Variants in WIPF3 observed in about 807,000 individuals in gnomAD.
The protein encoded by WIPF3 is WAS/WASL-interacting protein family member 3.
Under a neutral mutation model 38.9 loss-of-function variants are expected in WIPF3, and 33 were observed. That is an observed-to-expected ratio of 0.85 (90% confidence interval 0.64 to 1.14). The LOEUF (loss-of-function observed/expected upper bound fraction) is 1.14. Among genes scored for constraint, WIPF3 ranks in the 50% most tolerant of loss-of-function variants. The pLI is 0.00. For missense variants in WIPF3, 711 were observed against 652.5 expected, an observed-to-expected ratio of 1.09 and a Z score of -0.98; for synonymous variants, 324 against 269.3, an observed-to-expected ratio of 1.20 and a Z score of -1.99.
At chr7:29,903,817 TA>T (rs2128080584) in intron 7 of WIPF3, among the ~76,000 whole-genome samples, 1 of 152,326 alleles carries the variant, frequency 6.6e-6, no homozygotes, top group Admixed American at 6.5e-5. Flanking sequence ...TTTTTTCCAT[TA>T]TCTCCTTTAT....
At chr7:29,848,554 T>C (rs954428412) in intron 2 of WIPF3, among the ~76,000 whole-genome samples, 2 of 152,180 alleles carry the variant, frequency 1.3e-5, no homozygotes, top group African/African-American at 4.8e-5. Context: ...GGTTGGTCTT[T>C]CTCTACCTGA....
chr7:29,836,707 G>A (rs1784807918), intron 2 of WIPF3, among the ~76,000 whole-genome samples: 1 of 152,228 alleles, frequency 6.6e-6, no homozygotes, highest in African/African-American at 2.4e-5. Flanking sequence ...ACTTACATCT[G>A]GCGGGGCACA....
intron 1 of WIPF3, among the ~76,000 whole-genome samples, chr7:29,818,171 G>A (rs986080560): frequency 1.3e-5 from 2 of 152,040 alleles, no homozygotes; most frequent in Non-Finnish European, 2.9e-5. Context: ...TAATTTTCCG[G>A]CCAGGCACAG....
At chr7:29,865,192 A>G (rs1249254800) in intron 2 of WIPF3, among the ~76,000 whole-genome samples, 1 of 152,126 alleles carries the variant, frequency 6.6e-6, no homozygotes, top group African/African-American at 2.4e-5. Flanking sequence ...TGGACCCAGA[A>G]TCCCAACCGA....
chr7:29,827,434 A>T (rs538422809), intron 1 of WIPF3, among the ~76,000 whole-genome samples: 1 of 152,316 alleles, frequency 6.6e-6, no homozygotes, highest in South Asian at 2.1e-4. Context: ...TTATTATTTT[A>T]CTTATAGCTT....
chr7:29,836,186 CAA>C, intron 2 of WIPF3, among the ~76,000 whole-genome samples: 1 of 152,268 alleles, frequency 6.6e-6, no homozygotes, highest in Non-Finnish European at 1.5e-5. Context: ...GAATTTGACC[CAA>C]AGTCAAATTC....
chr7:29,820,900 C>T (rs1784527884), intron 1 of WIPF3, among the ~76,000 whole-genome samples: 1 of 152,178 alleles, frequency 6.6e-6, no homozygotes, highest in African/African-American at 2.4e-5. Flanking sequence ...TTCCTTTTTA[C>T]CTGATAACTT....
intron 4 of WIPF3, among the ~76,000 whole-genome samples, chr7:29,881,388 T>C (rs545037118): frequency 5.9e-5 from 9 of 152,344 alleles, no homozygotes; most frequent in African/African-American, 2.2e-4. Flanking sequence ...CTGAATTGCA[T>C]GTGTGAATGG....
At chr7:29,888,891 C>T (rs174978) in intron 6 of WIPF3, among the ~76,000 whole-genome samples, 73,550 of 151,936 alleles carry the variant, frequency 0.48, 18,695 homozygotes, top group East Asian at 0.78. Context: ...CCCACCTCTC[C>T]CTCCCCTCAA....
Position 29,884,011 on chromosome 7 carries a change from G to GCCCCCCCCCCCCCCCCCCCCCCCCCCCCC in WIPF3, c.521_522insCCCCCCCCCCCCCCCCCCCCCCCCCCCCC (p.Thr178ProfsTer40). The GCCCCCCCCCCCCCCCCCCCCCCCCCCCCC allele has an allele frequency of 7.0e-7, 1 of 1,430,664 alleles. No homozygotes were observed. Among genetic ancestry groups the GCCCCCCCCCCCCCCCCCCCCCCCCCCCCC allele is most frequent in the Non-Finnish European group, 9.2e-7 (1 of 1,084,356 alleles). The allele number at this position is 1,430,664 out of a possible 1,614,324, so 88.6% of individuals were successfully genotyped here. A position where few individuals can be genotyped will look rare whatever the true frequency, so the allele number is the denominator to read the frequency against. ...AGCCCCGCCTCGCCCCAACGTGCCT[G>GCCCCCCCCCCCCCCCCCCCCCCCCCCCCC]CCCCGCCCCCTCCCACCCCACCCCC... On this transcript the variant is annotated frameshift_variant, in exon 5 of 9. Coordinates refer to ENST00000242140, the MANE Select transcript of WIPF3 (RefSeq NM_001080529.3). LOFTEE classifies it high-confidence loss of function.
chr7:29,888,050 C>T lies in WIPF3; in HGVS notation c.1100-18C>T, dbSNP rs370629498. On this transcript the variant is annotated intron_variant, in intron 5 of 8. Coordinates refer to ENST00000242140, the MANE Select transcript of WIPF3 (RefSeq NM_001080529.3). ...TTCCCATCCGTGTTTCTGAGTACAC[C>T]ATCATCTTCTCTGTAAGGGGCCGGT... 1.8e-5 allele frequency: 29 copies of T among 1,613,588 alleles called. No individual in the cohort carries two copies. The African/African-American group carries it at 3.3e-4, about 19-fold the overall frequency.
chr7:29,887,518 C>A (rs1414786364), intron 5 of WIPF3, among the ~76,000 whole-genome samples: 2 of 152,178 alleles, frequency 1.3e-5, no homozygotes, highest in Non-Finnish European at 2.9e-5. Context: ...CCCTGGAGGG[C>A]ACGTAAGATT....
intron 1 of WIPF3, among the ~76,000 whole-genome samples, chr7:29,822,123 G>GTTTTTTTTTTTTTTT: frequency 3.2e-5 from 2 of 62,836 alleles, no homozygotes; most frequent in Non-Finnish European, 2.9e-5. Flanking sequence ...TTTTTTCTTA[G>GTTTTTTTTTTTTTTT]TTTTTTTTTT....
At chr7:29,875,708 G>A in intron 2 of WIPF3, 122 bp from the exon 3 acceptor site, 1 of 1,332,534 alleles carries the variant, frequency 7.5e-7, no homozygotes, top group Non-Finnish European at 1.0e-6. Flanking sequence ...GGTAATCTGA[G>A]ATCAGCCTTG....
At chr7:29,808,369 G>A (rs1784319598) in intron 1 of WIPF3, among the ~76,000 whole-genome samples, 2 of 152,216 alleles carry the variant, frequency 1.3e-5, no homozygotes, top group Admixed American at 1.3e-4. Flanking sequence ...ATCACCTCCT[G>A]TGATTCGCAG....
At chr7:29,869,090 C>T (rs368815762) in intron 2 of WIPF3, among the ~76,000 whole-genome samples, 38 of 151,632 alleles carry the variant, frequency 2.5e-4, no homozygotes, top group Middle Eastern at 6.8e-3. Flanking sequence ...AGTGCAATGG[C>T]GCAATTTTGG....
chr7:29,903,932 T>C (rs1279242254), intron 7 of WIPF3, among the ~76,000 whole-genome samples: 1 of 152,218 alleles, frequency 6.6e-6, no homozygotes, highest in Non-Finnish European at 1.5e-5. Flanking sequence ...ATGGGAGGCC[T>C]GATTTGTCAG....
intron 2 of WIPF3, among the ~76,000 whole-genome samples, chr7:29,866,245 G>T (rs1161264461): frequency 1.3e-5 from 2 of 152,220 alleles, no homozygotes; most frequent in Non-Finnish European, 1.5e-5. Context: ...AGAAATTTTG[G>T]AATTTTCCCT....
rs1786614439 is a variant in WIPF3 at position 29,916,301 on chromosome 7, A to G, written c.*1785A>G. 1 of 152,228 alleles carries G rather than the reference A, an allele frequency of 6.6e-6. No individual in the cohort carries two copies. The highest frequency in any genetic ancestry group is 1.5e-5 in the Non-Finnish European group (1 of 68,052). The allele number at this position is 152,228 out of a possible 1,614,324, so 9.4% of individuals were successfully genotyped here. A position where few individuals can be genotyped will look rare whatever the true frequency, so the allele number is the denominator to read the frequency against. Reference sequence around the variant, plus strand: ...TAAAATAATTATAGAAGTTTTAATGATCCTGATTAAGAAGACCCTAGACAA... The same window carrying G: ...TAAAATAATTATAGAAGTTTTAATGGTCCTGATTAAGAAGACCCTAGACAA... On this transcript the variant is annotated 3_prime_UTR_variant, in exon 9 of 9. Transcript: ENST00000242140.
Sources: allele counts gnomAD v4.1 joint callset (sites outside exome capture counted in the v4.1 genomes callset), GRCh38; gene constraint gnomAD v4.1.1; transcripts MANE v1.5; gene names NCBI Gene and HGNC (gene_info 2026-07-23, HGNC 2026-07-21).